Variants in HSD17B4 observed in about 807,000 individuals in gnomAD.
HSD17B4 encodes the protein peroxisomal multifunctional enzyme type 2.
A neutral mutation model predicts 101.0 loss-of-function variants in HSD17B4; 70 were observed. The observed-to-expected ratio is 0.69, with a 90% CI of 0.57 to 0.85. HSD17B4 has a LOEUF of 0.85. Among genes scored for constraint, HSD17B4 ranks in the 40% least tolerant of loss-of-function variants. The pLI is 0.00. For missense variants in HSD17B4, 984 were observed against 892.4 expected (o/e 1.10, Z -1.31); for synonymous variants, 347 against 297.1 (o/e 1.17, Z -1.73).
At chr5:119,479,635 C>G (rs150496798) in intron 8 of HSD17B4, among the ~76,000 whole-genome samples, 2 of 152,290 alleles carry the variant, frequency 1.3e-5, no homozygotes, top group African/African-American at 4.8e-5. Context: ...CTGTTTGTCT[C>G]TCCCCTTTTC....
At chr5:119,529,869 CTT>C in intron 20 of HSD17B4, 23 bp from the exon 21 acceptor site, 8 of 1,252,624 alleles carry the variant, frequency 6.4e-6, no homozygotes, top group Non-Finnish European at 9.2e-6. Flanking sequence ...CAGAATAAAT[CTT>C]TTTTTTTTCT....
At chr5:119,464,438 A>G (rs1242730964) in intron 2 of HSD17B4, among the ~76,000 whole-genome samples, 1 of 152,156 alleles carries the variant, frequency 6.6e-6, no homozygotes, top group South Asian at 2.1e-4. Flanking sequence ...CATTTATTGA[A>G]GAGACTGTCA....
At chr5:119,472,916 G>T (rs1299045094) in intron 2 of HSD17B4, among the ~76,000 whole-genome samples, 2 of 152,156 alleles carry the variant, frequency 1.3e-5, no homozygotes, top group African/African-American at 4.8e-5. Context: ...TTAACATAGT[G>T]TCTTCAGAGT....
At chr5:119,457,475 G>T (rs576281557) in intron 2 of HSD17B4, among the ~76,000 whole-genome samples, 2 of 152,166 alleles carry the variant, frequency 1.3e-5, no homozygotes, top group Non-Finnish European at 2.9e-5. Context: ...GAACACTGAC[G>T]CTTTGGATGT....
At chr5:119,520,930 GA>G (rs1753062216) in intron 17 of HSD17B4, among the ~76,000 whole-genome samples, 1 of 152,102 alleles carries the variant, frequency 6.6e-6, no homozygotes, top group South Asian at 2.1e-4. Flanking sequence ...CATTTTGGGG[GA>G]TGCATTATTT....
At chr5:119,465,503 C>T (rs1755718826) in intron 2 of HSD17B4, among the ~76,000 whole-genome samples, 1 of 152,154 alleles carries the variant, frequency 6.6e-6, no homozygotes, top group Non-Finnish European at 1.5e-5. Context: ...TTCTTGAGGG[C>T]CTTACGAGGA....
chr5:119,509,176 A>G lies in HSD17B4; in HGVS notation c.1369A>G (p.Asn457Asp), dbSNP rs137853097. Residue 457 changes from asparagine to aspartate, a missense_variant, in exon 16 of 24, where the codon AAT (asparagine) becomes GAT (aspartate). Transcript: ENST00000510025. ...TTCTGAGAAGGAACTTATATGCCAC[A>G]ATCAGTTCTCTCTCTTTCTTGTTGG... ...SYSEKELICH[N>D]QFSLFLVGSG... 5.6e-6 allele frequency: 9 copies of G among 1,604,086 alleles called. No individual in the cohort carries two copies. The highest frequency in any genetic ancestry group is 7.7e-6 in the Non-Finnish European group (9 of 1,171,036).
intron 11 of HSD17B4, chr5:119,495,702 G>A (rs1388684524): frequency 5.3e-6 from 1 of 187,406 alleles, no homozygotes. Context: ...ACAGAGTCTT[G>A]TTCTGTCTCC....
At chr5:119,456,186 A>T (rs1350859576) in intron 1 of HSD17B4, 129 bp from the exon 2 acceptor site, 1 of 725,900 alleles carries the variant, frequency 1.4e-6, no homozygotes, top group Non-Finnish European at 2.6e-6. Context: ...CAGTGATAGG[A>T]TAGGTTGAGA....
chr5:119,520,362 G>C (rs1753003374), intron 17 of HSD17B4, among the ~76,000 whole-genome samples: 1 of 152,072 alleles, frequency 6.6e-6, no homozygotes, highest in Admixed American at 6.5e-5. Context: ...CTTTCTTCAT[G>C]TGGTGTATCA....
chr5:119,472,172 G>A (rs559206082), intron 2 of HSD17B4, among the ~76,000 whole-genome samples: 1 of 151,922 alleles, frequency 6.6e-6, no homozygotes. Flanking sequence ...TTTAGACACT[G>A]TGTGTTGTAA....
In HSD17B4 at chr5:119,474,459, A is replaced by G; in HGVS notation, c.279A>G (p.Ile93Met). 1.3e-6 allele frequency: 2 copies of G among 1,590,304 alleles called. No individual in the cohort carries two copies. The highest frequency in any genetic ancestry group is 1.7e-6 in the Non-Finnish European group (2 of 1,158,320). ...VKTALDAFGR[I>M]DVVVNNAGIL... Reference sequence around the variant, plus strand: ...CAGCCCTGGATGCTTTTGGAAGAATAGGTGATGTTTCTTTGTGTTATGGCT... The same window carrying G: ...CAGCCCTGGATGCTTTTGGAAGAATGGGTGATGTTTCTTTGTGTTATGGCT... The change falls in exon 4 of 24, where the codon ATA (isoleucine) becomes ATG (methionine). Residue 93 changes from isoleucine to methionine, a missense_variant and splice_region_variant. Coordinates refer to ENST00000510025, the MANE Select transcript of HSD17B4 (RefSeq NM_000414.4).
intron 8 of HSD17B4, among the ~76,000 whole-genome samples, chr5:119,485,176 C>T (rs1026668937): frequency 2.0e-5 from 3 of 152,036 alleles, no homozygotes; most frequent in Non-Finnish European, 4.4e-5. Flanking sequence ...GCTGATCATC[C>T]CTTTGTTAGA....
chr5:119,487,617 A>G (rs749193492), intron 8 of HSD17B4, among the ~76,000 whole-genome samples: 2 of 152,234 alleles, frequency 1.3e-5, no homozygotes, highest in African/African-American at 2.4e-5. Flanking sequence ...TGCAAGGCAG[A>G]CGTATTTTTT....
chr5:119,512,599 T>G (rs1752277138), intron 16 of HSD17B4, among the ~76,000 whole-genome samples: 1 of 152,028 alleles, frequency 6.6e-6, no homozygotes, highest in Non-Finnish European at 1.5e-5. Flanking sequence ...ACTAAGAATT[T>G]TATAACCAGC....
intron 15 of HSD17B4, among the ~76,000 whole-genome samples, chr5:119,508,476 C>G (rs74842738): frequency 0.042 from 6,392 of 152,192 alleles, 565 homozygotes; most frequent in East Asian, 0.42. Context: ...AATCATATTT[C>G]TAGTTTTGCA....
At chr5:119,538,530 A>G (rs1307443578) in intron 23 of HSD17B4, among the ~76,000 whole-genome samples, 2 of 152,172 alleles carry the variant, frequency 1.3e-5, no homozygotes, top group Non-Finnish European at 2.9e-5. Flanking sequence ...ATCCCATTTG[A>G]TAAAAAATCT....
Position 119,542,217 on chromosome 5 carries a change from C to G in HSD17B4, c.*223C>G. ...GCTAGCACATAATTATCCTTCTGTT[C>G]TTAGATCTGTATCTTCATAATAAAA... On this transcript the variant is annotated 3_prime_UTR_variant, in exon 24 of 24. Transcript: ENST00000510025. 2.3e-6 allele frequency: 1 copy of G among 427,764 alleles called. No homozygotes were observed. The highest frequency in any genetic ancestry group is 2.9e-5 in the South Asian group (1 of 34,608). The allele number at this position is 427,764 out of a possible 1,614,324, so 26.5% of individuals were successfully genotyped here.
intron 2 of HSD17B4, among the ~76,000 whole-genome samples, chr5:119,468,468 T>C (rs1756032958): frequency 6.6e-6 from 1 of 152,092 alleles, no homozygotes; most frequent in South Asian, 2.1e-4. Flanking sequence ...GCTTGTAATG[T>C]TTCTGCAGAT....
Sources: allele counts gnomAD v4.1 joint callset (sites outside exome capture counted in the v4.1 genomes callset), GRCh38; gene constraint gnomAD v4.1.1; transcripts MANE v1.5; gene names NCBI Gene and HGNC (gene_info 2026-07-23, HGNC 2026-07-21).